The following SCML4 variants were observed in gnomAD, a reference collection of about 807,000 sequenced individuals.
SCML4 encodes sex comb on midleg-like protein 4.
SCML4 carries 34 observed loss-of-function variants against 41.1 expected under a neutral mutation model. That is an observed-to-expected ratio of 0.83 (90% CI 0.63 to 1.10). The LOEUF (loss-of-function observed/expected upper bound fraction) is 1.10. Ranked by LOEUF, SCML4 falls within the 50% of genes least tolerant of loss-of-function variation. The pLI is 0.00. For missense variants in SCML4, 522 were observed against 534.1 expected (o/e 0.98, Z 0.22); for synonymous variants, 214 against 220.9 (o/e 0.97, Z 0.28).
chr6:107,751,132 G>T (rs1778583236), intron 2 of SCML4, among the ~76,000 whole-genome samples: 1 of 152,178 alleles, frequency 6.6e-6, no homozygotes, highest in Admixed American at 6.5e-5. Context: ...CTGATATTCT[G>T]TTGGGGGGAG....
In SCML4 at chr6:107,721,027, C is replaced by T. The variant is rs373725978; in HGVS notation, c.683-34G>A. The T allele has an allele frequency of 8.1e-5, 126 of 1,559,158 alleles. 1 individual carries two copies. Among genetic ancestry groups the T allele is most frequent in the Non-Finnish European group, 1.0e-4 (116 of 1,152,908 alleles). ...TAAGGCAGTACAGAGAAGCAGATAT[C>T]AGAGAGCAGTTCAGGAAGCTATCAG... On this transcript the variant is annotated intron_variant, in intron 5 of 7. Coordinates refer to ENST00000369020, the MANE Select transcript of SCML4 (RefSeq NM_198081.5).
chr6:107,758,612 G>GA (rs757354267), intron 2 of SCML4, among the ~76,000 whole-genome samples: 29 of 152,110 alleles, frequency 1.9e-4, no homozygotes, highest in Non-Finnish European at 3.4e-4. Flanking sequence ...CTTATAAGAT[G>GA]AAAAAAACTT....
chr6:107,758,231 A>G (rs376502503), intron 2 of SCML4, among the ~76,000 whole-genome samples: 1 of 152,206 alleles, frequency 6.6e-6, no homozygotes, highest in African/African-American at 2.4e-5. Flanking sequence ...AAGGGGTAAC[A>G]TTGAAGTCAG....
chr6:107,776,581 T>C (rs937535021), intron 1 of SCML4, among the ~76,000 whole-genome samples: 2 of 152,254 alleles, frequency 1.3e-5, no homozygotes. Context: ...AATACTCATG[T>C]TGGTGAGGGG....
intron 5 of SCML4, among the ~76,000 whole-genome samples, chr6:107,737,379 C>T (rs923533881): frequency 6.6e-5 from 10 of 152,136 alleles, no homozygotes; most frequent in African/African-American, 2.4e-4. Context: ...CACCCTCTTC[C>T]CCAGATATGC....
chr6:107,829,159 C>T (rs1040982400), upstream of SCML4, among the ~76,000 whole-genome samples: 17 of 152,022 alleles, frequency 1.1e-4, no homozygotes, highest in African/African-American at 4.8e-5. Context: ...CTGAGAGAAT[C>T]GCTTGAGTCC....
At chr6:107,750,097 A>T (rs1778489389) in intron 2 of SCML4, among the ~76,000 whole-genome samples, 1 of 152,208 alleles carries the variant, frequency 6.6e-6, no homozygotes, top group Non-Finnish European at 1.5e-5. Flanking sequence ...AAGAGTTGGC[A>T]TCCATGAACG....
intron 4 of SCML4, chr6:107,745,863 A>T (rs57706984): frequency 0.18 from 27,213 of 152,074 alleles, 2,517 homozygotes; most frequent in Middle Eastern, 0.22. Flanking sequence ...CTTGGCGGCA[A>T]GTTCCTGCAG....
intron 1 of SCML4, among the ~76,000 whole-genome samples, chr6:107,780,162 C>T (rs76005267): frequency 0.021 from 3,150 of 152,124 alleles, 119 homozygotes; most frequent in African/African-American, 0.071. Flanking sequence ...GTCGGAGGTG[C>T]CTTTGTATTT....
intron 2 of SCML4, among the ~76,000 whole-genome samples, chr6:107,765,975 C>A (rs535068231): frequency 6.6e-6 from 1 of 152,336 alleles, no homozygotes; most frequent in African/African-American, 2.4e-5. Flanking sequence ...TACTTAAATT[C>A]TTTTTTGTCT....
chr6:107,770,733 A>G (rs1239473386), intron 2 of SCML4, among the ~76,000 whole-genome samples: 1 of 152,130 alleles, frequency 6.6e-6, no homozygotes, highest in Non-Finnish European at 1.5e-5. Flanking sequence ...CATGGAATGA[A>G]TTTTCCATTC....
In SCML4 at chr6:107,737,311, G is replaced by A. The variant is rs117680153; in HGVS notation, c.682+7638C>T. On this transcript the variant is annotated intron_variant, in intron 5 of 7. Coordinates refer to ENST00000369020, the MANE Select transcript of SCML4 (RefSeq NM_198081.5). ...ACAGGGCACCAGAGACCATGCTTCA[G>A]GTGCTTGCTGGCCATGGGGAGAAAT... Among the ~76,000 whole-genome samples, 609 of 152,256 alleles carry A rather than the reference G, an allele frequency of 4.0e-3. 7 individuals carry two copies. In the East Asian group the frequency reaches 0.053, roughly 13 times the overall value.
At position 107,814,665 on chromosome 6, in the gene SCML4, G is replaced by A. The variant is rs145312803; in HGVS notation, c.-60+9461C>T. On this transcript the variant is annotated intron_variant, in intron 1 of 7. Coordinates refer to ENST00000369020, the MANE Select transcript of SCML4 (RefSeq NM_198081.5). ...CCTCCCAGGTTCAAGAGATTCTCAT[G>A]CCTCAGCCTCCCAAGTAGCTGGGAT... is the stretch of plus-strand genomic sequence containing the variant. Among the ~76,000 whole-genome samples the A allele has an allele frequency of 2.3e-3, 348 of 152,270 alleles. 1 individual carries two copies. The highest frequency in any genetic ancestry group is 7.9e-3 in the African/African-American group (327 of 41,556).
intron 1 of SCML4, among the ~76,000 whole-genome samples, chr6:107,811,055 G>A (rs6568503): frequency 0.18 from 27,089 of 152,112 alleles, 2,648 homozygotes; most frequent in African/African-American, 0.25. Flanking sequence ...AGGAGTGGAA[G>A]CATAACAAGG....
intron 5 of SCML4, among the ~76,000 whole-genome samples, chr6:107,728,438 C>G (rs1037377982): frequency 6.6e-6 from 1 of 152,044 alleles, no homozygotes; most frequent in Admixed American, 6.6e-5. Context: ...TGGTGAAACC[C>G]GTCTCTACTA....
intron 1 of SCML4, among the ~76,000 whole-genome samples, chr6:107,799,848 C>A (rs958889318): frequency 1.3e-5 from 2 of 151,796 alleles, no homozygotes; most frequent in Non-Finnish European, 2.9e-5. Context: ...TTAGAGTTTC[C>A]ATTTCTTTTC....
intron 1 of SCML4, among the ~76,000 whole-genome samples, chr6:107,799,647 T>C (rs563852970): frequency 6.6e-6 from 1 of 152,256 alleles, no homozygotes; most frequent in East Asian, 1.9e-4. Context: ...CTGCCTTCTT[T>C]TGAATTAGTT....
intron 1 of SCML4, among the ~76,000 whole-genome samples, chr6:107,816,032 C>T (rs2114292279): frequency 6.6e-6 from 1 of 152,338 alleles, no homozygotes; most frequent in South Asian, 2.1e-4. Context: ...TCTTTCTCTT[C>T]AGCCCTCACA....
At chr6:107,785,893 C>A (rs886778323) in intron 1 of SCML4, among the ~76,000 whole-genome samples, 5 of 152,118 alleles carry the variant, frequency 3.3e-5, no homozygotes, top group African/African-American at 1.2e-4. Flanking sequence ...CAGAGCCTGG[C>A]GCATACCCTG....
Sources: allele counts gnomAD v4.1 joint callset (sites outside exome capture counted in the v4.1 genomes callset), GRCh38; gene constraint gnomAD v4.1.1; transcripts MANE v1.5; gene names NCBI Gene and HGNC (gene_info 2026-07-23, HGNC 2026-07-21).